PREX2: variants seen among roughly 807,000 people sequenced by gnomAD.
PREX2 encodes the protein phosphatidylinositol-3,4,5-trisphosphate dependent Rac exchange factor 2, also known as phosphatidylinositol 3,4,5-trisphosphate-dependent Rac exchanger 2 protein.
PREX2 carries 107 observed loss-of-function variants against 203.2 expected under a neutral mutation model. The ratio of observed to expected loss-of-function variants is 0.53; its 90% CI spans 0.45 to 0.62. PREX2 has a LOEUF of 0.62. Among genes scored for constraint, PREX2 ranks in the 20% least tolerant of loss-of-function variants. PREX2 has a pLI of 0.00. For synonymous variants in PREX2, 672 were observed against 663.6 expected (o/e 1.01, Z -0.19); for missense variants, 1,777 against 1,955.9 (o/e 0.91, Z 1.72).
intron 19 of PREX2, among the ~76,000 whole-genome samples, chr8:68,090,049 A>G (rs950162577): frequency 6.6e-6 from 1 of 152,188 alleles, no homozygotes; most frequent in African/African-American, 2.4e-5. Flanking sequence ...GACTTTTTGT[A>G]TATATGTCAA....
intron 1 of PREX2, among the ~76,000 whole-genome samples, chr8:67,963,734 G>A (rs1805696184): frequency 1.3e-5 from 2 of 151,400 alleles, no homozygotes; most frequent in Non-Finnish European, 1.5e-5. Flanking sequence ...GTGTTTATTC[G>A]TAAGGATATT....
intron 23 of PREX2, chr8:68,105,595 T>G: frequency 9.2e-7 from 1 of 1,090,928 alleles, no homozygotes; most frequent in Non-Finnish European, 1.1e-6. Context: ...TCTAACTATC[T>G]GGCTTTTACG....
At chr8:68,163,951 A>C (rs574513951) in intron 35 of PREX2, among the ~76,000 whole-genome samples, 2 of 152,310 alleles carry the variant, frequency 1.3e-5, no homozygotes, top group Middle Eastern at 3.4e-3. Flanking sequence ...CTCTCTTAGT[A>C]CAAAGTAATC....
chr8:68,038,894 A>G (rs1267133238), intron 7 of PREX2, among the ~76,000 whole-genome samples: 2 of 152,132 alleles, frequency 1.3e-5, no homozygotes, highest in Admixed American at 6.6e-5. Context: ...TTCACCTGCA[A>G]TGAGTCTTTC....
intron 37 of PREX2, among the ~76,000 whole-genome samples, chr8:68,206,950 C>T (rs2129615029): frequency 6.6e-6 from 1 of 152,152 alleles, no homozygotes; most frequent in African/African-American, 2.4e-5. Context: ...TTTTAAGTGA[C>T]CCAAAGGAGA....
chr8:67,958,526 T>G (rs189763573), intron 1 of PREX2, among the ~76,000 whole-genome samples: 1 of 152,228 alleles, frequency 6.6e-6, no homozygotes, highest in Non-Finnish European at 1.5e-5. Flanking sequence ...GCAAGAGAAT[T>G]CTGTTGACAA....
At chr8:68,224,082 A>G (rs1010987290) in intron 38 of PREX2, among the ~76,000 whole-genome samples, 3 of 152,050 alleles carry the variant, frequency 2.0e-5, no homozygotes, top group Admixed American at 6.6e-5. Context: ...GCAGTGGCAC[A>G]AATATGGCTC....
intron 1 of PREX2, among the ~76,000 whole-genome samples, chr8:68,006,710 C>T (rs1053476943): frequency 3.3e-5 from 5 of 152,158 alleles, no homozygotes; most frequent in African/African-American, 1.2e-4. Flanking sequence ...AATAATTGCC[C>T]TAAACCAGAT....
chr8:67,986,235 C>T (rs61064242), intron 1 of PREX2, among the ~76,000 whole-genome samples: 33,630 of 152,106 alleles, frequency 0.22, 4,805 homozygotes, highest in East Asian at 0.54. Flanking sequence ...TAATCTCCAC[C>T]GTAATCCCAG....
intron 23 of PREX2, chr8:68,103,686 C>G (rs777438785): frequency 1.9e-6 from 1 of 519,326 alleles, no homozygotes; most frequent in Non-Finnish European, 3.8e-6. Context: ...TATTGACTAT[C>G]CTGATAGCAT....
intron 6 of PREX2, among the ~76,000 whole-genome samples, chr8:68,034,247 A>G (rs6997672): frequency 0.075 from 11,419 of 152,188 alleles, 1,327 homozygotes; most frequent in African/African-American, 0.25. Context: ...AGAACATTCT[A>G]CAAGATAGTC....
At chr8:68,101,571 A>G (rs1250348996) in intron 23 of PREX2, 9 of 443,352 alleles carry the variant, frequency 2.0e-5, no homozygotes, top group South Asian at 5.1e-5. Context: ...TCCTTTCTCT[A>G]TAAAACATGA....
chr8:68,127,260 A>G, intron 30 of PREX2, 118 bp from the exon 31 acceptor site: 2 of 700,782 alleles, frequency 2.9e-6, no homozygotes, highest in Non-Finnish European at 4.7e-6. Context: ...CAAAACCACA[A>G]CTACTTTTGC....
intron 6 of PREX2, among the ~76,000 whole-genome samples, chr8:68,032,909 T>G (rs112449631): frequency 0.033 from 4,948 of 152,198 alleles, 266 homozygotes; most frequent in African/African-American, 0.11. Context: ...CCTCTCCAGC[T>G]CCTTCCACAG....
Position 68,093,608 on chromosome 8 carries a change from G to T in PREX2, c.2254G>T (p.Asp752Tyr), listed in dbSNP as rs760261110. The T allele has an allele frequency of 1.3e-6, 2 of 1,538,314 alleles. No homozygotes were observed. The highest frequency in any genetic ancestry group is 1.8e-6 in the Non-Finnish European group (2 of 1,120,450). ...CRKYRRPTKQ[D>Y]SIQWVYNSIE... ...TTCTTTCCCCCCTCATTTCCAGCAA[G>T]ATTCCATACAATGGGTTTATAATAG... The change falls in exon 21 of 40, where the codon GAT becomes TAT. Residue 752 changes from aspartate (D) to tyrosine (Y), a missense_variant. Physicochemically the swap from Asp to Tyr is radical, Grantham distance 160. Transcript: ENST00000288368.
intron 1 of PREX2, among the ~76,000 whole-genome samples, chr8:67,953,186 CG>C (rs1332510776): frequency 7.5e-6 from 1 of 133,390 alleles, no homozygotes; most frequent in African/African-American, 2.8e-5. Flanking sequence ...CCCCGCCCCC[CG>C]CCCCGGCTTA....
intron 31 of PREX2, among the ~76,000 whole-genome samples, chr8:68,129,838 C>A (rs1415362523): frequency 6.6e-6 from 1 of 151,122 alleles, no homozygotes; most frequent in African/African-American, 2.4e-5. Context: ...AAATATTACT[C>A]TATGATAAAA....
chr8:68,181,029 A>G (rs1019842519), intron 35 of PREX2, among the ~76,000 whole-genome samples: 3 of 152,174 alleles, frequency 2.0e-5, no homozygotes, highest in African/African-American at 7.2e-5. Context: ...GTTATTCATT[A>G]TTAATTTTCA....
chr8:68,209,216 A>G (rs1812700926), intron 37 of PREX2, among the ~76,000 whole-genome samples: 1 of 152,174 alleles, frequency 6.6e-6, no homozygotes, highest in East Asian at 1.9e-4. Context: ...GTTGAAATAG[A>G]TAGTCATTAT....
Sources: gnomAD v4.1 joint callset for allele counts (sites outside exome capture counted in the v4.1 genomes callset) on GRCh38, gnomAD v4.1.1 for gene constraint, MANE v1.5 for transcripts, NCBI Gene and HGNC (gene_info 2026-07-23, HGNC 2026-07-21) for gene names.